SASH1: variants seen among roughly 807,000 people sequenced by gnomAD.
The protein encoded by SASH1 is SAM and SH3 domain-containing protein 1.
Under a neutral mutation model 125.2 loss-of-function variants are expected in SASH1, and 44 were observed. The observed-to-expected ratio is 0.35, with a 90% CI of 0.28 to 0.45. The LOEUF is 0.45. SASH1 is among the 20% of genes least tolerant of loss of function. The probability of loss-of-function intolerance (pLI) is 1.00; values close to 1 mark genes in which losing one functional copy is unlikely to be tolerated. For synonymous variants in SASH1, 639 were observed against 649.1 expected, an observed-to-expected ratio of 0.98 and a Z score of 0.24; for missense variants, 1,426 against 1,614.5, an observed-to-expected ratio of 0.88 and a Z score of 2.00.
chr6:148,524,097 T>TTATATATATA (rs371819726), intron 10 of SASH1, among the ~76,000 whole-genome samples: 6 of 79,544 alleles, frequency 7.5e-5, no homozygotes, highest in South Asian at 3.8e-4. Flanking sequence ...ATTCAGTTAA[T>TTATATATATA]TATATATATA....
chr6:148,301,744 G>A (rs1472257250), intron 1 of SASH1, among the ~76,000 whole-genome samples: 12 of 102,210 alleles, frequency 1.2e-4, no homozygotes, highest in Admixed American at 1.1e-4. Context: ...CCATCTTGGT[G>A]ATTTTTTTTT....
chr6:148,433,639 C>T (rs1287535046), intron 2 of SASH1, among the ~76,000 whole-genome samples: 3 of 151,966 alleles, frequency 2.0e-5, no homozygotes, highest in African/African-American at 7.2e-5. Context: ...CTACTGATCT[C>T]GTGATCCGCC....
intron 9 of SASH1, among the ~76,000 whole-genome samples, chr6:148,515,395 G>A (rs1283763656): frequency 1.3e-5 from 2 of 152,150 alleles, no homozygotes; most frequent in African/African-American, 2.4e-5. Context: ...GCCATGTAAA[G>A]AAATGAATTT....
intron 1 of SASH1, among the ~76,000 whole-genome samples, chr6:148,349,548 G>C (rs1781647323): frequency 6.6e-6 from 1 of 152,102 alleles, no homozygotes; most frequent in Non-Finnish European, 1.5e-5. Context: ...ACAGGCGTGA[G>C]CCACGACGCC....
chr6:148,425,746 T>C (rs1181304956), intron 2 of SASH1, among the ~76,000 whole-genome samples: 1 of 128,118 alleles, frequency 7.8e-6, no homozygotes, highest in Non-Finnish European at 1.6e-5. Context: ...CTCCTCCTTT[T>C]TTTTTTTCCC....
the SASH1 span, among the ~76,000 whole-genome samples, chr6:148,196,902 A>T: frequency 4.5e-5 from 4 of 88,236 alleles, no homozygotes; most frequent in Non-Finnish European, 9.5e-5. Flanking sequence ...AGGCATCCAG[A>T]TGAAGGAGAT....
chr6:148,313,929 C>G (rs1272807578), intron 1 of SASH1, among the ~76,000 whole-genome samples: 1 of 152,162 alleles, frequency 6.6e-6, no homozygotes, highest in Non-Finnish European at 1.5e-5. Context: ...TTTTGGTCAA[C>G]TTCAACAAGG....
Position 148,540,512 on chromosome 6 carries a change from C to T in SASH1, c.2165C>T (p.Pro722Leu), listed in dbSNP as rs1456102680. 6.2e-7 allele frequency: 1 copy of T among 1,613,992 alleles called. No homozygotes were observed. Among genetic ancestry groups the T allele is most frequent in the South Asian group, 1.1e-5 (1 of 91,054 alleles). ...AGCCAGGGCCTGAGTGGATGCTCAC[C>T]CCGAGACTCAGGATGCTACGAAAGC... ...VDSQGLSGCS[P>L]RDSGCYESSE... Residue 722 changes from proline to leucine, a missense_variant, in exon 17 of 20, where the codon CCC becomes CTC. Coordinates refer to ENST00000367467, the MANE Select transcript of SASH1 (RefSeq NM_015278.5).
intron 4 of SASH1, among the ~76,000 whole-genome samples, chr6:148,466,901 T>A (rs1777861477): frequency 6.6e-6 from 1 of 152,046 alleles, no homozygotes. Flanking sequence ...TCTTCCATCT[T>A]CCTTCCTGGT....
intron 10 of SASH1, among the ~76,000 whole-genome samples, chr6:148,521,604 A>G (rs1780816077): frequency 6.6e-6 from 1 of 152,194 alleles, no homozygotes; most frequent in Non-Finnish European, 1.5e-5. Context: ...ACTAGTATGT[A>G]GCAGGAACTT....
At chr6:148,481,970 A>C (rs925062622) in intron 7 of SASH1, among the ~76,000 whole-genome samples, 1 of 152,196 alleles carries the variant, frequency 6.6e-6, no homozygotes, top group Non-Finnish European at 1.5e-5. Flanking sequence ...GCTCAGTAAA[A>C]TGAGGTGCGG....
intron 1 of SASH1, among the ~76,000 whole-genome samples, chr6:148,386,996 G>A (rs1242211536): frequency 4.6e-5 from 7 of 151,700 alleles, no homozygotes; most frequent in Admixed American, 3.3e-4. Flanking sequence ...CTCTGTCCTG[G>A]GAACTACCTG....
intron 1 of SASH1, among the ~76,000 whole-genome samples, chr6:148,319,019 C>CTTTTTTTT (rs1780562391): frequency 1.2e-5 from 1 of 80,504 alleles, no homozygotes; most frequent in Non-Finnish European, 2.6e-5. Flanking sequence ...CCGCATTTAT[C>CTTTTTTTT]TTCTTTTTTT....
chr6:148,495,204 G>A lies in SASH1; in HGVS notation c.729+7489G>A, dbSNP rs79139540. ...TTTTAAGTGGTTCTTGTGGCAAATGGCTTAATTTCCATTATGACACAAGAA... is the reference window on the plus strand; with the variant it reads ...TTTTAAGTGGTTCTTGTGGCAAATGACTTAATTTCCATTATGACACAAGAA... On this transcript the variant is annotated intron_variant, in intron 8 of 19. Transcript: ENST00000367467. The surrounding 1 kb of genome is among the most constrained non-coding windows in gnomAD (Gnocchi z 4.0). Among the ~76,000 whole-genome samples, 13,695 of 152,248 alleles carry A rather than the reference G, an allele frequency of 0.09. 645 individuals are homozygous for A. Among genetic ancestry groups the A allele is most frequent in the Non-Finnish European group, 0.097 (6,603 of 68,020 alleles).
At chr6:148,200,438 C>T in the SASH1 span, among the ~76,000 whole-genome samples, 1 of 152,172 alleles carries the variant, frequency 6.6e-6, no homozygotes, top group Non-Finnish European at 1.5e-5. Context: ...GAGGGGGCCG[C>T]GATCATCTGC....
intron 6 of SASH1, 131 bp downstream of exon 6, chr6:148,471,634 TC>T: frequency 1.6e-6 from 1 of 623,298 alleles, no homozygotes; most frequent in South Asian, 2.0e-5. Flanking sequence ...GTTCAACTTT[TC>T]TGACATTTCT....
chr6:148,421,999 T>C (rs758821590), intron 2 of SASH1, among the ~76,000 whole-genome samples: 11 of 152,290 alleles, frequency 7.2e-5, no homozygotes, highest in Middle Eastern at 3.4e-3. Flanking sequence ...ATGGAGAATA[T>C]GCATTTTTGT....
chr6:148,348,183 T>C (rs979668027), intron 1 of SASH1, among the ~76,000 whole-genome samples: 18 of 151,948 alleles, frequency 1.2e-4, no homozygotes, highest in Non-Finnish European at 2.6e-4. Flanking sequence ...ATTTTTGTAT[T>C]TTTAGTAGAG....
the SASH1 span, among the ~76,000 whole-genome samples, chr6:148,213,505 G>GGTGTGTGTGTGTGTGT: frequency 0.014 from 2,084 of 148,422 alleles, 25 homozygotes; most frequent in African/African-American, 0.015. Context: ...CTAGCCAAAG[G>GGTGTGTGTGTGTGTGT]GTGTGTGTGT....
Sources: gnomAD v4.1 joint callset for allele counts (sites outside exome capture counted in the v4.1 genomes callset) on GRCh38, gnomAD v4.1.1 for gene constraint, Gnocchi (gnomAD v3.1) non-coding constraint, MANE v1.5 for transcripts, NCBI Gene and HGNC (gene_info 2026-07-23, HGNC 2026-07-21) for gene names.